TDRD9: variants seen among roughly 807,000 people sequenced by gnomAD.
TDRD9 encodes the protein ATP-dependent RNA helicase TDRD9.
A neutral mutation model predicts 172.6 loss-of-function variants in TDRD9; 124 were observed. That is an observed-to-expected ratio of 0.72 (90% CI 0.62 to 0.83). TDRD9 has a LOEUF of 0.83. Among genes scored for constraint, TDRD9 ranks in the 40% least tolerant of loss-of-function variants. The pLI is 0.00. For missense variants in TDRD9, 1,479 were observed against 1,714.1 expected (o/e 0.86, Z 2.42); for synonymous variants, 619 against 617.1 (o/e 1.00, Z -0.05).
chr14:103,959,220 G>A (rs995904677), intron 2 of TDRD9, among the ~76,000 whole-genome samples: 2 of 152,068 alleles, frequency 1.3e-5, no homozygotes, highest in East Asian at 3.9e-4. Context: ...GTGATGCCTT[G>A]GACACAGGGT....
chr14:103,978,723 A>G lies in TDRD9; in HGVS notation c.1011+3170A>G, dbSNP rs556522008. ...CAGGCTGAGGTGCCATTTTTGTCAC[A>G]TATCAAGGGTATACACTATCAACAT... On this transcript the variant is annotated intron_variant, in intron 7 of 35. Coordinates refer to ENST00000409874, the MANE Select transcript of TDRD9 (RefSeq NM_153046.3). Among the ~76,000 whole-genome samples the G allele has an allele frequency of 1.4e-3, 220 of 152,238 alleles. 2 individuals carry two copies. Among genetic ancestry groups the G allele is most frequent in the Non-Finnish European group, 2.7e-3 (185 of 67,994 alleles).
At chr14:104,006,351 T>A in intron 15 of TDRD9, 38 bp from the exon 16 acceptor site, 2 of 1,577,632 alleles carry the variant, frequency 1.3e-6, no homozygotes, top group Non-Finnish European at 8.7e-7. Flanking sequence ...TATGAGTAAG[T>A]CAGTGCTTGA....
intron 1 of TDRD9, among the ~76,000 whole-genome samples, chr14:103,937,779 G>A (rs1053135489): frequency 6.6e-6 from 1 of 151,986 alleles, no homozygotes; most frequent in Non-Finnish European, 1.5e-5. Flanking sequence ...GTACTAGCTG[G>A]TTCCTTTCTT....
chr14:104,051,628 CT>C (rs2035937819), intron 35 of TDRD9, among the ~76,000 whole-genome samples: 1 of 152,176 alleles, frequency 6.6e-6, no homozygotes, highest in East Asian at 1.9e-4. Context: ...GTTTTTTTGA[CT>C]TTTTAATAAT....
chr14:103,943,959 A>T (rs2031415370), intron 1 of TDRD9, among the ~76,000 whole-genome samples: 1 of 152,220 alleles, frequency 6.6e-6, no homozygotes, highest in Non-Finnish European at 1.5e-5. Flanking sequence ...CATTGCATAT[A>T]CTGTTAGGAG....
In TDRD9 at chr14:103,980,930, A is replaced by G. The variant is rs779195027; in HGVS notation, c.1012-5287A>G. The stretch of plus-strand genomic sequence containing the variant: ...GTCTCTGTATGGCCTGGTTTTTCCT[A>G]GGTTATGATTGTAGAGCGAGAATTA... On this transcript the variant is annotated intron_variant, in intron 7 of 35. Coordinates refer to ENST00000409874, the MANE Select transcript of TDRD9 (RefSeq NM_153046.3). This position sits in a 1 kb window ranked among gnomAD's most constrained non-coding sequence, Gnocchi z 4.5. Among the ~76,000 whole-genome samples the G allele has an allele frequency of 5.9e-5, 9 of 152,112 alleles. No individual in the cohort carries two copies. Among genetic ancestry groups the G allele is most frequent in the Admixed American group, 1.3e-4 (2 of 15,272 alleles).
intron 1 of TDRD9, among the ~76,000 whole-genome samples, chr14:103,929,418 T>C (rs975746892): frequency 6.6e-6 from 1 of 152,172 alleles, no homozygotes; most frequent in Non-Finnish European, 1.5e-5. Context: ...TTTCCATGGT[T>C]TGATAGCTTC....
Position 104,007,214 on chromosome 14 carries a change from C to G in TDRD9, c.2052+10C>G. 1 of 1,613,282 alleles carries G rather than the reference C, an allele frequency of 6.2e-7. No homozygotes were observed. Among genetic ancestry groups the G allele is most frequent in the Non-Finnish European group, 8.5e-7 (1 of 1,179,392 alleles). On this transcript the variant is annotated intron_variant, in intron 19 of 35. Coordinates refer to ENST00000409874, the MANE Select transcript of TDRD9 (RefSeq NM_153046.3). ...GCTGCGGTACCCGAAGGTTGGTGAGCCCTTTCCTGCTGCTTTCTAGATGGC... is the reference window on the plus strand; with the variant it reads ...GCTGCGGTACCCGAAGGTTGGTGAGGCCTTTCCTGCTGCTTTCTAGATGGC...
chr14:103,964,586 G>T (rs775141272), intron 3 of TDRD9, among the ~76,000 whole-genome samples: 2 of 152,092 alleles, frequency 1.3e-5, no homozygotes, highest in Non-Finnish European at 2.9e-5. Context: ...GAGTGCAGTG[G>T]CACGATCTTG....
At chr14:103,985,432 T>C (rs891304750) in intron 7 of TDRD9, among the ~76,000 whole-genome samples, 1 of 152,208 alleles carries the variant, frequency 6.6e-6, no homozygotes, top group African/African-American at 2.4e-5. Context: ...TCCACCATGA[T>C]TGTGAGGCTT....
At chr14:103,977,103 A>G (rs1376008375) in intron 7 of TDRD9, among the ~76,000 whole-genome samples, 1 of 152,158 alleles carries the variant, frequency 6.6e-6, no homozygotes, top group Non-Finnish European at 1.5e-5. Context: ...TTCCGTGACA[A>G]TTGGTGATAC....
intron 20 of TDRD9, among the ~76,000 whole-genome samples, chr14:104,012,705 T>C (rs1247835708): frequency 6.6e-6 from 1 of 152,198 alleles, no homozygotes; most frequent in African/African-American, 2.4e-5. Context: ...GTCTATAATT[T>C]CTTTTAGTGT....
At chr14:103,985,257 C>A (rs74572580) in intron 7 of TDRD9, among the ~76,000 whole-genome samples, 1 of 152,044 alleles carries the variant, frequency 6.6e-6, no homozygotes, top group Admixed American at 6.5e-5. Context: ...GTGTCCCCAC[C>A]GAAATCTCAT....
intron 27 of TDRD9, 24 bp downstream of exon 27, chr14:104,026,160 A>G (rs1489090561): frequency 1.4e-6 from 2 of 1,452,272 alleles, no homozygotes; most frequent in African/African-American, 2.8e-5. Flanking sequence ...GACTCTAGGG[A>G]ATGAATGCTG....
intron 1 of TDRD9, among the ~76,000 whole-genome samples, 163 bp from the exon 2 acceptor site, chr14:103,955,498 CATT>C (rs763304820): frequency 1.3e-5 from 2 of 152,088 alleles, no homozygotes; most frequent in East Asian, 1.9e-4. Flanking sequence ...AATGGTTTGT[CATT>C]GTTTTAATTT....
At chr14:103,953,601 A>C (rs1773602482) in intron 1 of TDRD9, among the ~76,000 whole-genome samples, 1 of 150,870 alleles carries the variant, frequency 6.6e-6, no homozygotes, top group Non-Finnish European at 1.5e-5. Flanking sequence ...GAAGAAGGAA[A>C]GTTGGTGGTG....
At chr14:103,998,161 T>TGGGGGGGGGGGGGGG in intron 12 of TDRD9, among the ~76,000 whole-genome samples, 1 of 136,258 alleles carries the variant, frequency 7.3e-6, no homozygotes, top group East Asian at 2.2e-4. Context: ...TGCACACTTC[T>TGGGGGGGGGGGGGGG]ACCCACCCAC....
intron 1 of TDRD9, chr14:103,941,689 G>C (rs1453209459): frequency 6.6e-7 from 1 of 1,512,510 alleles, no homozygotes; most frequent in African/African-American, 1.4e-5. Context: ...CAGCCAAAAA[G>C]TGGCATTTTT....
intron 1 of TDRD9, among the ~76,000 whole-genome samples, chr14:103,932,900 C>T (rs1192615656): frequency 6.6e-6 from 1 of 151,714 alleles, no homozygotes; most frequent in African/African-American, 2.4e-5. Flanking sequence ...TGACCACCAG[C>T]ATTAAAAAAT....
Sources: gnomAD v4.1 joint callset for allele counts (sites outside exome capture counted in the v4.1 genomes callset) on GRCh38, gnomAD v4.1.1 for gene constraint, Gnocchi (gnomAD v3.1) non-coding constraint, MANE v1.5 for transcripts, NCBI Gene and HGNC (gene_info 2026-07-23, HGNC 2026-07-21) for gene names.